The following GPC5 variants were observed in gnomAD, a reference collection of about 807,000 sequenced individuals.
GPC5 encodes glypican-5.
Under a neutral mutation model 53.9 loss-of-function variants are expected in GPC5, and 47 were observed. The ratio of observed to expected loss-of-function variants is 0.87; its 90% confidence interval spans 0.69 to 1.11. The LOEUF (loss-of-function observed/expected upper bound fraction) is 1.11. GPC5 is among the 50% of genes most tolerant of loss of function. The probability of loss-of-function intolerance (pLI) is 0.00; values close to 1 mark genes in which losing one functional copy is unlikely to be tolerated. For synonymous variants in GPC5, 286 were observed against 263.3 expected (o/e 1.09, Z -0.84); for missense variants, 748 against 713.1 (o/e 1.05, Z -0.56).
chr13:92,484,275 C>T (rs1879471061), intron 7 of GPC5, among the ~76,000 whole-genome samples: 1 of 152,158 alleles, frequency 6.6e-6, no homozygotes, highest in Non-Finnish European at 1.5e-5. Context: ...TGTATGATAA[C>T]AACGACTCTT....
At chr13:91,427,291 C>T (rs1879127913) in intron 1 of GPC5, among the ~76,000 whole-genome samples, 1 of 152,178 alleles carries the variant, frequency 6.6e-6, no homozygotes, top group African/African-American at 2.4e-5. Context: ...TCAATGCCAG[C>T]CTGTGAAAGC....
At chr13:92,734,068 T>C (rs1460479143) in intron 7 of GPC5, among the ~76,000 whole-genome samples, 2 of 151,848 alleles carry the variant, frequency 1.3e-5, no homozygotes, top group African/African-American at 4.8e-5. Context: ...TAACTAAATC[T>C]CTACTCAGAT....
intron 2 of GPC5, among the ~76,000 whole-genome samples, chr13:91,597,727 A>G: frequency 6.6e-6 from 1 of 152,168 alleles, no homozygotes; most frequent in Middle Eastern, 3.4e-3. Flanking sequence ...TGACTTTACA[A>G]GGTATACCTG....
At chr13:91,622,605 G>A (rs2033892130) in intron 2 of GPC5, among the ~76,000 whole-genome samples, 1 of 152,098 alleles carries the variant, frequency 6.6e-6, no homozygotes. Flanking sequence ...CTAGCCTGGC[G>A]TGAAAACTAA....
chr13:92,499,804 A>G (rs940238454), intron 7 of GPC5, among the ~76,000 whole-genome samples: 3 of 152,194 alleles, frequency 2.0e-5, no homozygotes, highest in African/African-American at 4.8e-5. Flanking sequence ...ATTCACCAAC[A>G]TTTCAAAGAT....
intron 7 of GPC5, among the ~76,000 whole-genome samples, chr13:92,493,313 T>C (rs1482278154): frequency 6.6e-6 from 1 of 152,214 alleles, no homozygotes; most frequent in Non-Finnish European, 1.5e-5. Context: ...AATTAGAAGA[T>C]ATCACTTGTA....
intron 7 of GPC5, among the ~76,000 whole-genome samples, chr13:92,490,966 G>A (rs542890893): frequency 1.3e-5 from 2 of 152,084 alleles, no homozygotes; most frequent in South Asian, 2.1e-4. Flanking sequence ...ACATGCAGGG[G>A]GTACAGAATG....
chr13:91,488,372 A>G (rs1375379905), intron 2 of GPC5, among the ~76,000 whole-genome samples: 1 of 152,180 alleles, frequency 6.6e-6, no homozygotes, highest in Non-Finnish European at 1.5e-5. Flanking sequence ...GAGTGAAGTG[A>G]TTCCCCAAGG....
At chr13:92,214,212 C>G (rs1190836392) in intron 7 of GPC5, among the ~76,000 whole-genome samples, 2 of 152,076 alleles carry the variant, frequency 1.3e-5, no homozygotes, top group Non-Finnish European at 2.9e-5. Flanking sequence ...TCTATACTGC[C>G]TTACTTTCTG....
intron 6 of GPC5, among the ~76,000 whole-genome samples, chr13:92,016,230 A>G (rs2040705841): frequency 6.6e-6 from 1 of 152,244 alleles, no homozygotes; most frequent in Admixed American, 6.5e-5. Flanking sequence ...AAGAATTTAT[A>G]ATGAAATGTC....
chr13:92,222,915 A>G (rs1321386954), intron 7 of GPC5, among the ~76,000 whole-genome samples: 1 of 152,172 alleles, frequency 6.6e-6, no homozygotes, highest in African/African-American at 2.4e-5. Flanking sequence ...AGTATGTACC[A>G]GCTATTGGGC....
At chr13:91,470,486 T>C (rs1262036773) in intron 2 of GPC5, among the ~76,000 whole-genome samples, 2 of 152,270 alleles carry the variant, frequency 1.3e-5, no homozygotes, top group East Asian at 3.9e-4. Context: ...CATGCTGATT[T>C]CTTTTCAGTG....
At position 92,277,218 on chromosome 13, in the gene GPC5, T is replaced by G. The variant is rs140133559; in HGVS notation, c.1561+132229T>G. ...GTAGGGAATTGACACCCACCATGGG[T>G]CTGGGAACATGTAACACCTTGAGCG... On this transcript the variant is annotated intron_variant, in intron 7 of 7. Coordinates refer to ENST00000377067, the MANE Select transcript of GPC5 (RefSeq NM_004466.6). Among the ~76,000 whole-genome samples, 12 of 152,098 alleles carry G rather than the reference T, an allele frequency of 7.9e-5. No homozygotes were observed. In the East Asian group the frequency reaches 1.7e-3, roughly 22 times the overall value.
At chr13:92,016,834 TCTC>T (rs201000635) in intron 6 of GPC5, among the ~76,000 whole-genome samples, 5,634 of 152,052 alleles carry the variant, frequency 0.037, 144 homozygotes, top group Middle Eastern at 0.054. Flanking sequence ...TTCACTCAGT[TCTC>T]CTCTTCAGCC....
chr13:91,516,382 A>T (rs1260006613), intron 2 of GPC5, among the ~76,000 whole-genome samples: 1 of 152,176 alleles, frequency 6.6e-6, no homozygotes, highest in Non-Finnish European at 1.5e-5. Flanking sequence ...GGCCCATGCA[A>T]GTCCAAAATC....
At chr13:91,597,691 A>G (rs2033043550) in intron 2 of GPC5, among the ~76,000 whole-genome samples, 1 of 152,190 alleles carries the variant, frequency 6.6e-6, no homozygotes, top group Non-Finnish European at 1.5e-5. Context: ...ATCCCCCTTC[A>G]TGGCAGAAAC....
chr13:92,183,583 A>G (rs2042162865), intron 7 of GPC5, among the ~76,000 whole-genome samples: 2 of 152,176 alleles, frequency 1.3e-5, no homozygotes, highest in African/African-American at 4.8e-5. Flanking sequence ...TCACTTATAT[A>G]TAAATTTTAA....
chr13:92,202,328 A>G (rs2042301160), intron 7 of GPC5, among the ~76,000 whole-genome samples: 1 of 152,170 alleles, frequency 6.6e-6, no homozygotes, highest in African/African-American at 2.4e-5. Context: ...GTTTTTCTTA[A>G]CCTTCAAAGT....
At chr13:92,565,722 T>G (rs1882842490) in intron 7 of GPC5, among the ~76,000 whole-genome samples, 2 of 152,098 alleles carry the variant, frequency 1.3e-5, no homozygotes, top group South Asian at 2.1e-4. Context: ...AAATTTACAT[T>G]CATTTGCCAC....
Sources: gnomAD v4.1 joint callset for allele counts (sites outside exome capture counted in the v4.1 genomes callset) on GRCh38, gnomAD v4.1.1 for gene constraint, MANE v1.5 for transcripts, NCBI Gene and HGNC (gene_info 2026-07-23, HGNC 2026-07-21) for gene names.